The following DNAH11 variants were observed in gnomAD, a reference collection of about 807,000 sequenced individuals.
The protein encoded by DNAH11 is dynein axonemal heavy chain 11.
In DNAH11, 442 loss-of-function variants were observed where a neutral mutation model predicts 526.0. The ratio of observed to expected loss-of-function variants is 0.84; its 90% CI spans 0.78 to 0.91. The LOEUF (loss-of-function observed/expected upper bound fraction) is 0.91. Ranked by LOEUF, DNAH11 falls within the 40% of genes least tolerant of loss-of-function variation. The probability of loss-of-function intolerance (pLI) is 0.00; values close to 1 mark genes in which losing one functional copy is unlikely to be tolerated. For missense variants in DNAH11, 6,989 were observed against 5,448.7 expected (o/e 1.28, Z -8.90); for synonymous variants, 2,461 against 1,935.9 (o/e 1.27, Z -7.12).
At position 21,559,684 on chromosome 7, in the gene DNAH11, A is replaced by G. The variant is rs1436644904; in HGVS notation, c.774A>G (p.Ile258Met). Residue 258 changes from isoleucine (I) to methionine (M), a missense_variant, in exon 4 of 82, where the codon ATA (isoleucine) becomes ATG (methionine). Transcript: ENST00000409508. ...IEWSHQIQEI[I>M]ERDSVQRLLN... ...GGTCACATCAAATCCAAGAAATTATAGAAAGAGATTCAGTGCAGCGTTTGT... is the reference window on the plus strand; with the variant it reads ...GGTCACATCAAATCCAAGAAATTATGGAAAGAGATTCAGTGCAGCGTTTGT... 6.2e-7 allele frequency: 1 copy of G among 1,611,714 alleles called. No individual in the cohort carries two copies. The highest frequency in any genetic ancestry group is 1.7e-5 in the Admixed American group (1 of 59,768).
chr7:21,609,267 G>A (rs1205360047), intron 20 of DNAH11, among the ~76,000 whole-genome samples: 2 of 151,974 alleles, frequency 1.3e-5, no homozygotes, highest in African/African-American at 2.4e-5. Flanking sequence ...CCAGGCTGGA[G>A]TACAGTGGCA....
chr7:21,868,010 G>T lies in DNAH11; in HGVS notation c.11839+3G>T. On this transcript the variant is annotated splice_donor_region_variant and intron_variant, in intron 72 of 81. Coordinates refer to ENST00000409508, the MANE Select transcript of DNAH11 (RefSeq NM_001277115.2). ...CCTTAAAGACCTGGAGATTCTTGGT[G>T]AGTGGCTGGGAGGCTCGCTGGCCCG... 6.6e-7 allele frequency: 1 copy of T among 1,516,728 alleles called. No homozygotes were observed. The highest frequency in any genetic ancestry group is 8.9e-7 in the Non-Finnish European group (1 of 1,127,388). The allele number at this position is 1,516,728 out of a possible 1,614,324, so 94.0% of individuals were successfully genotyped here. A position where few individuals can be genotyped will look rare whatever the true frequency, so the allele number is the denominator to read the frequency against.
In DNAH11 at chr7:21,589,246, A is replaced by C. The variant is rs1225110295; in HGVS notation, c.2012A>C (p.Lys671Thr). 1 of 1,610,032 alleles carries C rather than the reference A, an allele frequency of 6.2e-7. No homozygotes were observed. The highest frequency in any genetic ancestry group is 1.3e-5 in the African/African-American group (1 of 74,926). Residue 671 changes from lysine (K) to threonine (T), a missense_variant, in exon 12 of 82, where the codon AAG becomes ACG. Physicochemically the swap from Lys to Thr is moderately conservative, Grantham distance 78. Transcript: ENST00000409508. ...GNPDHALVYQKYVEMTTLLDQ... is the reference protein window; with the variant it reads ...GNPDHALVYQTYVEMTTLLDQ... ...CCTGATCACGCTTTAGTTTATCAAA[A>C]GTATGTTGAAATGACCACTTTGCTT...
intron 30 of DNAH11, among the ~76,000 whole-genome samples, chr7:21,671,334 G>A (rs527970724): frequency 6.6e-6 from 1 of 152,280 alleles, no homozygotes; most frequent in Non-Finnish European, 1.5e-5. Context: ...ATGGCAGAGT[G>A]GAGTGGCTGT....
At chr7:21,846,512 A>G (rs1256837368) in intron 66 of DNAH11, among the ~76,000 whole-genome samples, 1 of 152,130 alleles carries the variant, frequency 6.6e-6, no homozygotes, top group Non-Finnish European at 1.5e-5. Flanking sequence ...CTTGTTATAT[A>G]TCATTACTTC....
intron 75 of DNAH11, among the ~76,000 whole-genome samples, chr7:21,883,623 A>G (rs1371702871): frequency 2.0e-5 from 3 of 152,234 alleles, no homozygotes; most frequent in Non-Finnish European, 4.4e-5. Context: ...TAAAGCAGAT[A>G]ATAAAAACAT....
chr7:21,811,960 A>G, intron 63 of DNAH11, among the ~76,000 whole-genome samples: 1 of 152,156 alleles, frequency 6.6e-6, no homozygotes, highest in East Asian at 1.9e-4. Flanking sequence ...CTCCAAAGAC[A>G]TATCACCATC....
At chr7:21,618,567 T>C (rs953899028) in intron 23 of DNAH11, 3 of 160,108 alleles carry the variant, frequency 1.9e-5, no homozygotes, top group African/African-American at 7.2e-5. Context: ...CACAAGACAA[T>C]GTGGAAATGA....
At chr7:21,762,550 A>G (rs1330839011) in intron 54 of DNAH11, among the ~76,000 whole-genome samples, 1 of 152,240 alleles carries the variant, frequency 6.6e-6, no homozygotes, top group Non-Finnish European at 1.5e-5. Context: ...AAGAAACCCA[A>G]GAATTGAGAT....
rs1267694594 is a variant in DNAH11, at chr7:21,901,034, C to CCATTGT, written c.13332_13337dup (p.Ile4445_Val4446dup). 1 of 1,610,510 alleles carries CCATTGT rather than the reference C, an allele frequency of 6.2e-7. No homozygotes were observed. Among genetic ancestry groups the CCATTGT allele is most frequent in the African/African-American group, 1.3e-5 (1 of 74,798 alleles). ...GCCCGCTGGGACACCCAAGCAGGAA[C>CCATTGT]CATTGTTGAAGCCCGTCTCAAGGAG... On this transcript the variant is annotated inframe_insertion, in exon 82 of 82. Transcript: ENST00000409508.
intron 14 of DNAH11, among the ~76,000 whole-genome samples, chr7:21,593,458 A>G (rs1784762244): frequency 6.6e-6 from 1 of 152,154 alleles, no homozygotes; most frequent in Admixed American, 6.5e-5. Context: ...GGGCCTGTGT[A>G]TCAGGGTGGG....
chr7:21,855,711 C>T (rs895489645), intron 68 of DNAH11, among the ~76,000 whole-genome samples: 2 of 152,144 alleles, frequency 1.3e-5, no homozygotes, highest in African/African-American at 2.4e-5. Flanking sequence ...TTCATCTGTT[C>T]ATCCGTTTTT....
At chr7:21,556,099 TCA>T (rs1783208237) in intron 2 of DNAH11, among the ~76,000 whole-genome samples, 1 of 152,172 alleles carries the variant, frequency 6.6e-6, no homozygotes, top group East Asian at 1.9e-4. Context: ...GTTACAATTC[TCA>T]CAGACGGTGC....
In DNAH11 at chr7:21,570,247, A is replaced by T. The variant is rs1783831700; in HGVS notation, c.1373A>T (p.His458Leu). The change falls in exon 7 of 82, where the codon CAT becomes CTT. Residue 458 changes from histidine (H) to leucine (L), a missense_variant. By Grantham distance (99) the His-to-Leu change is moderately conservative (BLOSUM62 -3). Transcript: ENST00000409508. Reference protein sequence around the residue: ...RKLRPWDFQSHLVFCRFDKFL... With the variant: ...RKLRPWDFQSLLVFCRFDKFL... ...CTGAGACCATGGGATTTCCAGTCTC[A>T]TCTGGTGTTTTGCAGATTTGACAAG... The T allele has an allele frequency of 6.2e-7, 1 of 1,612,420 alleles. No individual in the cohort carries two copies. Among genetic ancestry groups the T allele is most frequent in the African/African-American group, 1.3e-5 (1 of 74,832 alleles).
chr7:21,800,909 G>A (rs1288074973), intron 61 of DNAH11, among the ~76,000 whole-genome samples: 2 of 151,968 alleles, frequency 1.3e-5, no homozygotes, highest in East Asian at 3.9e-4. Flanking sequence ...GGAGGCAGAA[G>A]GGGAGAGAAG....
chr7:21,748,875 C>A, intron 52 of DNAH11, 133 bp downstream of exon 52: 2 of 855,708 alleles, frequency 2.3e-6, no homozygotes, highest in Non-Finnish European at 3.4e-6. Context: ...AGCGGGAGCT[C>A]TTTAAAGCAG....
chr7:21,900,059 A>AAAG lies in DNAH11; in HGVS notation c.13243_13245dup (p.Lys4415dup). On this transcript the variant is annotated inframe_insertion, in exon 81 of 82. Coordinates refer to ENST00000409508, the MANE Select transcript of DNAH11 (RefSeq NM_001277115.2). ...TGACTGCTGATGTTACCAAAAAAAC[A>AAAG]AAGGAAGATTATGGACACCCGCCAA... The AAAG allele has an allele frequency of 6.2e-6, 10 of 1,613,972 alleles. No individual in the cohort carries two copies. The highest frequency in any genetic ancestry group is 8.5e-6 in the Non-Finnish European group (10 of 1,179,856).
chr7:21,707,016 C>G lies in DNAH11; in HGVS notation c.6547-683C>G, dbSNP rs1452829853. Among the ~76,000 whole-genome samples the G allele has an allele frequency of 2.0e-5, 3 of 152,204 alleles. 1 individual carries two copies. The highest frequency in any genetic ancestry group is 6.5e-5 in the Admixed American group (1 of 15,278). ...ACCTCAGCACTGTTGACATTCTGGACTGGATAACTCTGCTGTAGGAGGCTA... is the reference window on the plus strand; with the variant it reads ...ACCTCAGCACTGTTGACATTCTGGAGTGGATAACTCTGCTGTAGGAGGCTA... On this transcript the variant is annotated intron_variant, in intron 39 of 81. Transcript: ENST00000409508.
intron 56 of DNAH11, among the ~76,000 whole-genome samples, 190 bp from the exon 57 acceptor site, chr7:21,778,768 T>C (rs1455215286): frequency 1.3e-5 from 2 of 152,232 alleles, no homozygotes; most frequent in African/African-American, 4.8e-5. Flanking sequence ...AATATTATTC[T>C]GTTTGTTCTC....
Sources: gnomAD v4.1 joint callset for allele counts (sites outside exome capture counted in the v4.1 genomes callset) on GRCh38, gnomAD v4.1.1 for gene constraint, MANE v1.5 for transcripts, NCBI Gene and HGNC (gene_info 2026-07-23, HGNC 2026-07-21) for gene names.